RARB: variants seen among roughly 807,000 people sequenced by gnomAD.
RARB encodes the protein retinoic acid receptor beta, also known as HBV-activated protein.
A neutral mutation model predicts 51.9 loss-of-function variants in RARB; 17 were observed. The ratio of observed to expected loss-of-function variants is 0.33; its 90% confidence interval spans 0.22 to 0.49. The LOEUF is 0.49. Among genes scored for constraint, RARB ranks in the 20% least tolerant of loss-of-function variants. The pLI is 0.99. For missense variants in RARB, 369 were observed against 550.8 expected (o/e 0.67, Z 3.30); for synonymous variants, 215 against 195.4 (o/e 1.10, Z -0.84).
intron 2 of RARB, among the ~76,000 whole-genome samples, chr3:24,996,342 CTCTTT>C (rs1477357574): frequency 4.0e-5 from 6 of 151,868 alleles, no homozygotes; most frequent in Admixed American, 2.6e-4. Context: ...TGGTTCTTCT[CTCTTT>C]TCTTATTTTT....
At chr3:25,239,942 G>A (rs753668597) in intron 5 of RARB, among the ~76,000 whole-genome samples, 2 of 151,784 alleles carry the variant, frequency 1.3e-5, no homozygotes, top group Admixed American at 6.6e-5. Flanking sequence ...CTTTCCATTT[G>A]TTTGTGATTT....
chr3:25,106,543 T>A (rs547323829), intron 3 of RARB, among the ~76,000 whole-genome samples: 3 of 147,644 alleles, frequency 2.0e-5, no homozygotes, highest in Admixed American at 1.4e-4. Context: ...GCTCAAGCAA[T>A]CTGCCCCTCT....
intron 5 of RARB, among the ~76,000 whole-genome samples, chr3:25,371,356 A>G (rs1706292909): frequency 6.6e-6 from 1 of 152,190 alleles, no homozygotes. Flanking sequence ...AACCTACTAC[A>G]GTGCTGATGG....
chr3:25,472,431 T>C (rs1294188689), intron 2 of RARB, among the ~76,000 whole-genome samples: 2 of 152,190 alleles, frequency 1.3e-5, no homozygotes, highest in Admixed American at 6.5e-5. Context: ...AGTCTAGCCA[T>C]GTGCTCAGGT....
At chr3:24,888,502 G>T (rs573259352) in intron 2 of RARB, among the ~76,000 whole-genome samples, 1 of 151,864 alleles carries the variant, frequency 6.6e-6, no homozygotes, top group Non-Finnish European at 1.5e-5. Flanking sequence ...ATCATGCATA[G>T]AAGTTAAAAG....
At chr3:24,968,713 A>T (rs1446160871) in intron 2 of RARB, among the ~76,000 whole-genome samples, 2 of 152,116 alleles carry the variant, frequency 1.3e-5, no homozygotes, top group Non-Finnish European at 2.9e-5. Context: ...AGACAGGAAG[A>T]CAGGGCAAGT....
chr3:24,854,712 G>C (rs1002908245), intron 1 of RARB, among the ~76,000 whole-genome samples: 2 of 152,120 alleles, frequency 1.3e-5, no homozygotes, highest in Non-Finnish European at 2.9e-5. Context: ...CGTATTGTAG[G>C]ATATTTAGTA....
intron 2 of RARB, among the ~76,000 whole-genome samples, chr3:25,468,159 C>T (rs1423717309): frequency 6.6e-6 from 1 of 152,038 alleles, no homozygotes; most frequent in African/African-American, 2.4e-5. Context: ...GGGCCTTAGC[C>T]TATCTGTAAA....
At chr3:24,859,425 A>G (rs991864042) in intron 2 of RARB, among the ~76,000 whole-genome samples, 1 of 152,212 alleles carries the variant, frequency 6.6e-6, no homozygotes, top group South Asian at 2.1e-4. Context: ...ATAGTTAAGC[A>G]TTAGAATGCC....
intron 2 of RARB, among the ~76,000 whole-genome samples, chr3:24,998,882 C>T (rs926580428): frequency 6.6e-6 from 1 of 152,102 alleles, no homozygotes; most frequent in Non-Finnish European, 1.5e-5. Flanking sequence ...TACATACCTA[C>T]TACATAATAA....
At chr3:25,586,821 G>T (rs1435437225) in intron 5 of RARB, among the ~76,000 whole-genome samples, 3 of 152,196 alleles carry the variant, frequency 2.0e-5, no homozygotes, top group Admixed American at 6.5e-5. Flanking sequence ...TGGGGAGCGA[G>T]CTCTGGGCTT....
At chr3:24,888,333 A>G (rs535018061) in intron 2 of RARB, among the ~76,000 whole-genome samples, 2 of 152,318 alleles carry the variant, frequency 1.3e-5, no homozygotes, top group Admixed American at 6.5e-5. Context: ...ATGAGAATTG[A>G]GATCAGAAAA....
intron 5 of RARB, among the ~76,000 whole-genome samples, chr3:25,290,642 T>TA (rs1003091184): frequency 6.6e-6 from 1 of 152,130 alleles, no homozygotes; most frequent in African/African-American, 2.4e-5. Flanking sequence ...GGGTACATGG[T>TA]AAAAAAGGTT....
At chr3:25,470,823 C>T (rs1206156958) in intron 2 of RARB, among the ~76,000 whole-genome samples, 1 of 151,164 alleles carries the variant, frequency 6.6e-6, no homozygotes, top group Non-Finnish European at 1.5e-5. Flanking sequence ...TCATTATTAC[C>T]AAGTCATTAT....
chr3:25,294,715 C>T (rs1703877228), intron 5 of RARB, among the ~76,000 whole-genome samples: 1 of 87,112 alleles, frequency 1.1e-5, no homozygotes, highest in African/African-American at 7.3e-5. Flanking sequence ...TCCAACGGCC[C>T]GTTGGCGGAA....
intron 5 of RARB, among the ~76,000 whole-genome samples, chr3:25,362,862 A>T (rs373373643): frequency 1.3e-5 from 2 of 152,284 alleles, no homozygotes; most frequent in East Asian, 3.9e-4. Flanking sequence ...TGCAGAGATC[A>T]CCAGCCTTCT....
At chr3:25,506,524 G>A (rs553038040) in intron 3 of RARB, among the ~76,000 whole-genome samples, 3 of 152,204 alleles carry the variant, frequency 2.0e-5, no homozygotes, top group African/African-American at 7.2e-5. Flanking sequence ...GCTGAGGAAG[G>A]AGGATCACTT....
At chr3:24,963,256 G>A (rs190718865) in intron 2 of RARB, among the ~76,000 whole-genome samples, 30 of 151,972 alleles carry the variant, frequency 2.0e-4, no homozygotes, top group African/African-American at 7.2e-4. Context: ...TAAGCTCTGG[G>A]CAAGTTCCTT....
chr3:25,380,833 G>C (rs963316374), intron 5 of RARB, among the ~76,000 whole-genome samples: 1 of 152,026 alleles, frequency 6.6e-6, no homozygotes, highest in African/African-American at 2.4e-5. Context: ...GACTGGTTTT[G>C]TGCTTAGGTT....
Sources: allele counts gnomAD v4.1 joint callset (sites outside exome capture counted in the v4.1 genomes callset), GRCh38; gene constraint gnomAD v4.1.1; transcripts MANE v1.5; gene names NCBI Gene and HGNC (gene_info 2026-07-23, HGNC 2026-07-21).